APP: variants seen among roughly 807,000 people sequenced by gnomAD.
APP encodes the protein amyloid-beta precursor protein.
Under a neutral mutation model 101.4 loss-of-function variants are expected in APP, and 31 were observed. The ratio of observed to expected loss-of-function variants is 0.31; its 90% CI spans 0.23 to 0.41. APP has a LOEUF of 0.41. Among genes scored for constraint, APP ranks in the 10% least tolerant of loss-of-function variants. APP has a pLI of 1.00. For missense variants in APP, 839 were observed against 1,003.7 expected, an observed-to-expected ratio of 0.84 and a Z score of 2.22; for synonymous variants, 366 against 364.4, an observed-to-expected ratio of 1.00 and a Z score of -0.05.
intron 3 of APP, among the ~76,000 whole-genome samples, chr21:26,075,134 T>C (rs959049154): frequency 4.6e-5 from 7 of 152,234 alleles, no homozygotes; most frequent in Admixed American, 1.3e-4. Flanking sequence ...TTCTTTTCCC[T>C]TTCCTTTTCC....
intron 1 of APP, among the ~76,000 whole-genome samples, chr21:26,115,592 T>A (rs570608788): frequency 2.6e-5 from 4 of 152,342 alleles, no homozygotes; most frequent in Admixed American, 6.5e-5. Flanking sequence ...TGTGGCCACA[T>A]TAAACATTGC....
At chr21:26,130,465 A>G (rs1221494665) in intron 1 of APP, among the ~76,000 whole-genome samples, 1 of 152,260 alleles carries the variant, frequency 6.6e-6, no homozygotes, top group Non-Finnish European at 1.5e-5. Context: ...ATAAGGAGAC[A>G]GGCTTGGCCA....
At chr21:26,077,062 C>A (rs1167049220) in intron 3 of APP, among the ~76,000 whole-genome samples, 14 of 110,112 alleles carry the variant, frequency 1.3e-4, no homozygotes, top group Admixed American at 1.8e-4. Flanking sequence ...GACTCTGTCT[C>A]AAAAAAAAAA....
At chr21:25,947,016 T>C (rs559743786) in intron 13 of APP, among the ~76,000 whole-genome samples, 55 of 152,364 alleles carry the variant, frequency 3.6e-4, no homozygotes, top group African/African-American at 1.2e-3. Context: ...TTCTTTTTAA[T>C]GTAGCTAAAA....
intron 1 of APP, among the ~76,000 whole-genome samples, chr21:26,143,455 T>C (rs2063090906): frequency 6.6e-6 from 1 of 152,260 alleles, no homozygotes; most frequent in Admixed American, 6.5e-5. Flanking sequence ...AAATTATGTA[T>C]ATTCAATGTA....
intron 2 of APP, among the ~76,000 whole-genome samples, chr21:26,099,172 A>G (rs1056863406): frequency 6.6e-6 from 1 of 152,174 alleles, no homozygotes; most frequent in Non-Finnish European, 1.5e-5. Context: ...AAAAAGGAAA[A>G]AAAAAAAAAC....
At chr21:25,995,860 A>G (rs1313432139) in intron 8 of APP, among the ~76,000 whole-genome samples, 1 of 152,156 alleles carries the variant, frequency 6.6e-6, no homozygotes, top group African/African-American at 2.4e-5. Context: ...TTTAGGATGC[A>G]GTCTTTTTTA....
chr21:25,999,460 C>T (rs578076725), intron 7 of APP, among the ~76,000 whole-genome samples: 20 of 152,250 alleles, frequency 1.3e-4, no homozygotes, highest in African/African-American at 4.1e-4. Context: ...TTCTACCCTC[C>T]GGCATTTGAG....
rs144705947 is a variant in APP at position 26,115,990 on chromosome 21, A to C, written c.58-3844T>G. Reference sequence around the variant, plus strand: ...CTAAGACAACATTTAAAAGATGAGAACTGTGATATAACTGGCCGTTTGTGG... The same window carrying C: ...CTAAGACAACATTTAAAAGATGAGACCTGTGATATAACTGGCCGTTTGTGG... On this transcript the variant is annotated intron_variant, in intron 1 of 17. Coordinates refer to ENST00000346798, the MANE Select transcript of APP (RefSeq NM_000484.4). Among the ~76,000 whole-genome samples, 321 of 152,338 alleles carry C rather than the reference A, an allele frequency of 2.1e-3. 1 individual carries two copies. Among genetic ancestry groups the C allele is most frequent in the African/African-American group, 7.4e-3 (306 of 41,578 alleles).
At chr21:26,121,793 T>C (rs1040923377) in intron 1 of APP, among the ~76,000 whole-genome samples, 2 of 152,212 alleles carry the variant, frequency 1.3e-5, no homozygotes, top group African/African-American at 4.8e-5. Flanking sequence ...AATGCACAAG[T>C]AAGTGCAAAC....
At chr21:25,979,402 T>C (rs1568799245) in intron 9 of APP, among the ~76,000 whole-genome samples, 1 of 152,190 alleles carries the variant, frequency 6.6e-6, no homozygotes, top group East Asian at 1.9e-4. Context: ...TTCAAAGACT[T>C]GGCTGTTTCA....
At chr21:25,982,144 A>ACCTG (rs1385273310) in intron 9 of APP, among the ~76,000 whole-genome samples, 200 bp downstream of exon 9, 1 of 152,222 alleles carries the variant, frequency 6.6e-6, no homozygotes, top group African/African-American at 2.4e-5. Flanking sequence ...ATCCAACTAT[A>ACCTG]CCTGGATCCT....
chr21:26,143,783 A>G (rs1324626007), intron 1 of APP, among the ~76,000 whole-genome samples: 2 of 152,318 alleles, frequency 1.3e-5, no homozygotes, highest in Non-Finnish European at 2.9e-5. Context: ...TTCCACATAT[A>G]AATGAAATCA....
intron 1 of APP, among the ~76,000 whole-genome samples, chr21:26,124,016 A>T (rs2062631070): frequency 6.6e-6 from 1 of 152,092 alleles, no homozygotes; most frequent in Non-Finnish European, 1.5e-5. Context: ...CAAACAAGAC[A>T]AAAGTTACTT....
chr21:26,104,201 G>C (rs2062127870), intron 2 of APP, among the ~76,000 whole-genome samples: 1 of 139,254 alleles, frequency 7.2e-6, no homozygotes, highest in African/African-American at 2.6e-5. Flanking sequence ...ACCTCCCAAA[G>C]GTATCATCTC....
At chr21:26,124,057 G>C (rs1212441204) in intron 1 of APP, among the ~76,000 whole-genome samples, 2 of 151,368 alleles carry the variant, frequency 1.3e-5, no homozygotes, top group Non-Finnish European at 2.9e-5. Context: ...CTACTCTTTA[G>C]CACTGGCCTG....
At chr21:26,091,717 AG>A (rs1292171135) in intron 2 of APP, among the ~76,000 whole-genome samples, 4 of 152,088 alleles carry the variant, frequency 2.6e-5, no homozygotes. Flanking sequence ...AAGCTGAGGT[AG>A]GGGGGCTTTT....
intron 1 of APP, among the ~76,000 whole-genome samples, chr21:26,135,983 T>C (rs2062889608): frequency 6.6e-6 from 1 of 151,034 alleles, no homozygotes; most frequent in Non-Finnish European, 1.5e-5. Flanking sequence ...AATACAAAAA[T>C]TAGCCAGGCA....
intron 5 of APP, among the ~76,000 whole-genome samples, chr21:26,044,243 A>G (rs1163509299): frequency 6.6e-6 from 1 of 152,200 alleles, no homozygotes; most frequent in Non-Finnish European, 1.5e-5. Flanking sequence ...AATGCACCAT[A>G]CTCACACCAG....
Sources: allele counts gnomAD v4.1 joint callset (sites outside exome capture counted in the v4.1 genomes callset), GRCh38; gene constraint gnomAD v4.1.1; transcripts MANE v1.5; gene names NCBI Gene and HGNC (gene_info 2026-07-23, HGNC 2026-07-21).